The following ACTR3B variants were observed in gnomAD, a reference collection of about 807,000 sequenced individuals.
ACTR3B encodes actin-related protein 3B.
In ACTR3B, 8 loss-of-function variants were observed where a neutral mutation model predicts 59.0. The observed-to-expected ratio is 0.14, with a 90% CI of 0.08 to 0.24. The LOEUF (loss-of-function observed/expected upper bound fraction) is 0.24. ACTR3B is among the 10% of genes least tolerant of loss of function. The pLI, the probability that ACTR3B is intolerant of heterozygous loss-of-function variation, is 1.00. For missense variants in ACTR3B, 245 were observed against 552.3 expected, an observed-to-expected ratio of 0.44 and a Z score of 5.58; for synonymous variants, 148 against 197.9, an observed-to-expected ratio of 0.75 and a Z score of 2.12.
intron 1 of ACTR3B, among the ~76,000 whole-genome samples, chr7:152,764,162 C>G (rs547891970): frequency 1.3e-3 from 196 of 151,726 alleles, no homozygotes; most frequent in African/African-American, 4.5e-3. Flanking sequence ...TACACCACCA[C>G]GCATGGCTGT....
At position 152,789,465 on chromosome 7, in the gene ACTR3B, C is replaced by T. The variant is rs1441348953; in HGVS notation, c.100+6223C>T. Among the ~76,000 whole-genome samples, 8 of 150,724 alleles carry T rather than the reference C, an allele frequency of 5.3e-5. 1 individual carries two copies. Among genetic ancestry groups the T allele is most frequent in the South Asian group, 2.1e-4 (1 of 4,730 alleles). ...TTATTTTTAGGTACCTTTAAGTTTTCGTTGCTGTCGTCAAAATATTTTAAA... is the reference window on the plus strand; with the variant it reads ...TTATTTTTAGGTACCTTTAAGTTTTTGTTGCTGTCGTCAAAATATTTTAAA... On this transcript the variant is annotated intron_variant, in intron 2 of 11. Transcript: ENST00000256001.
intron 9 of ACTR3B, among the ~76,000 whole-genome samples, chr7:152,849,582 C>T (rs1291978439): frequency 6.6e-6 from 1 of 152,194 alleles, no homozygotes; most frequent in Admixed American, 6.5e-5. Context: ...AACTCTTGGG[C>T]CACACATAAA....
At chr7:152,799,909 AT>A (rs2098229425) in intron 2 of ACTR3B, among the ~76,000 whole-genome samples, 1 of 148,492 alleles carries the variant, frequency 6.7e-6, no homozygotes, top group Non-Finnish European at 1.5e-5. Context: ...AATATTTAAG[AT>A]TAAGATCTTA....
At chr7:152,809,631 T>G (rs1728358695) in intron 4 of ACTR3B, among the ~76,000 whole-genome samples, 1 of 151,458 alleles carries the variant, frequency 6.6e-6, no homozygotes, top group African/African-American at 2.4e-5. Flanking sequence ...AACCTCCGCC[T>G]CCCGGGTTCA....
At chr7:152,829,646 C>T (rs552944933) in intron 9 of ACTR3B, among the ~76,000 whole-genome samples, 12 of 152,186 alleles carry the variant, frequency 7.9e-5, no homozygotes, top group Non-Finnish European at 1.6e-4. Context: ...TAAAATGGAC[C>T]GGAGTCTGGG....
At chr7:152,789,084 A>ACAACAAC (rs2098185818) in intron 2 of ACTR3B, among the ~76,000 whole-genome samples, 1 of 149,162 alleles carries the variant, frequency 6.7e-6, no homozygotes, top group African/African-American at 2.5e-5. Flanking sequence ...AACAACAACA[A>ACAACAAC]AGCCCTTACA....
intron 10 of ACTR3B, among the ~76,000 whole-genome samples, 162 bp downstream of exon 10, chr7:152,852,413 T>C (rs1374492024): frequency 6.6e-6 from 1 of 152,204 alleles, no homozygotes; most frequent in South Asian, 2.1e-4. Context: ...GGAGGTTTGC[T>C]GCCTGAGGTC....
At chr7:152,843,366 A>C (rs1798018267) in intron 9 of ACTR3B, among the ~76,000 whole-genome samples, 1 of 152,230 alleles carries the variant, frequency 6.6e-6, no homozygotes. Context: ...GTGTATATGA[A>C]ATGAGAAAGT....
At chr7:152,799,379 T>C (rs2098227456) in intron 2 of ACTR3B, among the ~76,000 whole-genome samples, 1 of 152,230 alleles carries the variant, frequency 6.6e-6, no homozygotes, top group African/African-American at 2.4e-5. Context: ...CTGTGTGACC[T>C]TGATAGATTG....
intron 9 of ACTR3B, among the ~76,000 whole-genome samples, chr7:152,843,106 A>G (rs1285044111): frequency 1.3e-4 from 19 of 151,772 alleles, no homozygotes; most frequent in Non-Finnish European, 2.4e-4. Context: ...TCTTTGTCAG[A>G]TTTATGTGTT....
intron 9 of ACTR3B, among the ~76,000 whole-genome samples, chr7:152,833,403 T>G (rs1797184439): frequency 6.6e-6 from 1 of 152,116 alleles, no homozygotes; most frequent in Non-Finnish European, 1.5e-5. Flanking sequence ...AGTAAAAAGC[T>G]CCAGTTCCTA....
intron 1 of ACTR3B, among the ~76,000 whole-genome samples, chr7:152,763,283 C>G (rs1221711775): frequency 3.9e-5 from 5 of 128,956 alleles, no homozygotes; most frequent in Non-Finnish European, 6.2e-5. Flanking sequence ...CCACTGCACT[C>G]CAGCCTGGTG....
intron 9 of ACTR3B, among the ~76,000 whole-genome samples, chr7:152,836,900 A>T (rs3854304): frequency 0.097 from 14,760 of 151,992 alleles, 463 homozygotes; most frequent in African/African-American, 0.14. Context: ...GCCGGCCTTC[A>T]TGGCTCATGT....
chr7:152,819,444 G>A (rs1338477562), intron 6 of ACTR3B, among the ~76,000 whole-genome samples: 2 of 152,182 alleles, frequency 1.3e-5, no homozygotes, highest in African/African-American at 4.8e-5. Context: ...CACTCTGACG[G>A]TCAGCATCCT....
At chr7:152,835,105 G>A (rs1350372774) in intron 9 of ACTR3B, among the ~76,000 whole-genome samples, 2 of 152,082 alleles carry the variant, frequency 1.3e-5, no homozygotes, top group Non-Finnish European at 2.9e-5. Flanking sequence ...TGTGGGAAGC[G>A]TTTTGAGCAG....
chr7:152,769,448 T>G (rs1398731117), intron 1 of ACTR3B, among the ~76,000 whole-genome samples: 1 of 152,222 alleles, frequency 6.6e-6, no homozygotes, highest in Non-Finnish European at 1.5e-5. Flanking sequence ...GATATAGATA[T>G]ATATATATTT....
chr7:152,803,753 C>T (rs1001312356), intron 4 of ACTR3B, among the ~76,000 whole-genome samples: 2 of 152,116 alleles, frequency 1.3e-5, no homozygotes, highest in Admixed American at 6.5e-5. Flanking sequence ...AGGCCATTTG[C>T]TAAAAATGGG....
intron 1 of ACTR3B, among the ~76,000 whole-genome samples, chr7:152,761,248 C>T (rs920547609): frequency 6.6e-5 from 10 of 152,190 alleles, no homozygotes; most frequent in Non-Finnish European, 1.2e-4. Flanking sequence ...CAGCTCCCCT[C>T]CCTCAATTAT....
At chr7:152,834,158 T>G (rs1797253503) in intron 9 of ACTR3B, among the ~76,000 whole-genome samples, 1 of 151,466 alleles carries the variant, frequency 6.6e-6, no homozygotes, top group Non-Finnish European at 1.5e-5. Context: ...TGTTTTTGTT[T>G]TTTTTTTTTT....
Sources: allele counts gnomAD v4.1 joint callset (sites outside exome capture counted in the v4.1 genomes callset), GRCh38; gene constraint gnomAD v4.1.1; transcripts MANE v1.5; gene names NCBI Gene and HGNC (gene_info 2026-07-23, HGNC 2026-07-21).